PTPRD: variants seen among roughly 807,000 people sequenced by gnomAD.
The protein encoded by PTPRD is protein tyrosine phosphatase receptor type D, also known as receptor-type tyrosine-protein phosphatase delta.
A neutral mutation model predicts 214.5 loss-of-function variants in PTPRD; 34 were observed. The ratio of observed to expected loss-of-function variants is 0.16; its 90% CI spans 0.12 to 0.21. The LOEUF is 0.21. PTPRD is among the 10% of genes least tolerant of loss of function. The probability of loss-of-function intolerance (pLI) is 1.00; values close to 1 mark genes in which losing one functional copy is unlikely to be tolerated. For synonymous variants in PTPRD, 1,128 were observed against 845.7 expected (o/e 1.33, Z -5.79); for missense variants, 2,545 against 2,398.7 (o/e 1.06, Z -1.27).
intron 12 of PTPRD, among the ~76,000 whole-genome samples, chr9:8,682,231 C>A (rs1011647030): frequency 6.6e-6 from 1 of 152,130 alleles, no homozygotes; most frequent in African/African-American, 2.4e-5. Context: ...CGAGAGAAGT[C>A]TAAATAAGAA....
intron 12 of PTPRD, among the ~76,000 whole-genome samples, chr9:8,700,228 T>G (rs547254367): frequency 6.6e-6 from 1 of 152,236 alleles, no homozygotes; most frequent in South Asian, 2.1e-4. Flanking sequence ...ATTACTTTCA[T>G]TTAAGAAACT....
chr9:9,300,049 G>A (rs1954693252), intron 9 of PTPRD, among the ~76,000 whole-genome samples: 1 of 149,646 alleles, frequency 6.7e-6, no homozygotes, highest in African/African-American at 2.5e-5. Context: ...TTATGAATCT[G>A]TTTAATTCTG....
At chr9:9,855,739 G>C (rs1021500886) in intron 5 of PTPRD, among the ~76,000 whole-genome samples, 2 of 152,320 alleles carry the variant, frequency 1.3e-5, no homozygotes, top group African/African-American at 2.4e-5. Context: ...GAACACTTTT[G>C]GGAGCTGGGA....
At chr9:10,255,561 T>C (rs879907061) in intron 3 of PTPRD, among the ~76,000 whole-genome samples, 13 of 152,286 alleles carry the variant, frequency 8.5e-5, no homozygotes, top group Middle Eastern at 3.4e-3. Flanking sequence ...GCCTAGGACA[T>C]TACACTACTA....
chr9:9,818,211 G>C (rs2049403278), intron 5 of PTPRD, among the ~76,000 whole-genome samples: 3 of 152,202 alleles, frequency 2.0e-5, no homozygotes, highest in African/African-American at 7.2e-5. Flanking sequence ...AAAGAAATCG[G>C]TCTTTAAATG....
chr9:9,501,739 A>C (rs1261287233), intron 8 of PTPRD, among the ~76,000 whole-genome samples: 1 of 151,962 alleles, frequency 6.6e-6, no homozygotes, highest in African/African-American at 2.4e-5. Flanking sequence ...TCTAAATTAT[A>C]AATAACTAAA....
intron 9 of PTPRD, among the ~76,000 whole-genome samples, chr9:9,320,934 C>T (rs534425312): frequency 1.3e-5 from 2 of 152,238 alleles, no homozygotes; most frequent in African/African-American, 4.8e-5. Context: ...CCTAAATAGG[C>T]TCCTTCAAGA....
chr9:10,345,318 C>G (rs912610416), intron 2 of PTPRD, among the ~76,000 whole-genome samples: 3 of 151,884 alleles, frequency 2.0e-5, no homozygotes, highest in African/African-American at 7.3e-5. Context: ...GGATATATGG[C>G]AGGTTTGTTA....
At chr9:9,008,837 T>C (rs534717987) in intron 11 of PTPRD, among the ~76,000 whole-genome samples, 30 of 152,316 alleles carry the variant, frequency 2.0e-4, no homozygotes, top group African/African-American at 6.7e-4. Context: ...CCTTATGTTT[T>C]TCCTCTCTTT....
At chr9:8,482,409 A>C (rs1181151538) in intron 30 of PTPRD, among the ~76,000 whole-genome samples, 1 of 151,880 alleles carries the variant, frequency 6.6e-6, no homozygotes, top group East Asian at 2.0e-4. Context: ...ACCTCCCAAT[A>C]ATTTTCTCTA....
chr9:9,064,549 C>T (rs1034394275), intron 10 of PTPRD, among the ~76,000 whole-genome samples: 1 of 152,134 alleles, frequency 6.6e-6, no homozygotes, highest in African/African-American at 2.4e-5. Flanking sequence ...TTCTGTGTGA[C>T]ACTGATGAAC....
intron 4 of PTPRD, among the ~76,000 whole-genome samples, chr9:9,978,567 G>A (rs1220600816): frequency 1.3e-5 from 2 of 151,806 alleles, no homozygotes; most frequent in Admixed American, 6.6e-5. Flanking sequence ...AAGAGGCATG[G>A]GACACCATCA....
At chr9:10,557,359 T>G (rs1227608969) in intron 2 of PTPRD, among the ~76,000 whole-genome samples, 2 of 152,126 alleles carry the variant, frequency 1.3e-5, no homozygotes, top group Non-Finnish European at 2.9e-5. Flanking sequence ...TGAATACCTG[T>G]CTCCAACGCA....
At chr9:9,752,130 A>G (rs564275327) in intron 6 of PTPRD, among the ~76,000 whole-genome samples, 15 of 152,198 alleles carry the variant, frequency 9.9e-5, no homozygotes, top group African/African-American at 3.6e-4. Flanking sequence ...AATTGTTTCA[A>G]TCCCCTGTAA....
In PTPRD at chr9:8,485,786, A is replaced by G; in HGVS notation, c.3031T>C (p.Phe1011Leu). 1 of 1,613,314 alleles carries G rather than the reference A, an allele frequency of 6.2e-7. No homozygotes were observed. The highest frequency in any genetic ancestry group is 2.2e-5 in the East Asian group (1 of 44,872). ...GPGPYSPSVQ[F>L]RTLPVDQVFA... Reference sequence around the variant, plus strand: ...CCTTGATCCACAGGCAGTGTCCTGAACTGGACACTGGGACTATATGGCCCG... The same window carrying G: ...CCTTGATCCACAGGCAGTGTCCTGAGCTGGACACTGGGACTATATGGCCCG... Residue 1011 changes from phenylalanine to leucine, a missense_variant, in exon 28 of 46, where the codon TTC becomes CTC. Transcript: ENST00000381196.
intron 9 of PTPRD, among the ~76,000 whole-genome samples, chr9:9,325,563 A>G (rs1969591288): frequency 1.3e-5 from 2 of 152,144 alleles, no homozygotes; most frequent in African/African-American, 2.4e-5. Flanking sequence ...ACTTTGCTGA[A>G]GTTGCCTATC....
intron 39 of PTPRD, among the ~76,000 whole-genome samples, chr9:8,355,413 T>A (rs1407896674): frequency 8.4e-6 from 1 of 118,772 alleles, no homozygotes; most frequent in Admixed American, 7.9e-5. Context: ...TCTTTTAGAA[T>A]ATTTTGGTCT....
In PTPRD at chr9:8,484,307, C is replaced by G. The variant is rs2096951237; in HGVS notation, c.3225G>C (p.Leu1075=). 6.2e-7 allele frequency: 1 copy of G among 1,614,060 alleles called. No individual in the cohort carries two copies. The highest frequency in any genetic ancestry group is 8.5e-7 in the Non-Finnish European group (1 of 1,180,004). The part of the protein sequence containing the change: ...GRATQKLIVN[L]KPEKSYSFVL... ...CAAATGAATATGATTTCTCAGGCTT[C>G]AGGTTGACAATTAACTTCTGTGTGG... Residue 1075 remains leucine, a synonymous_variant, in exon 30 of 46, where the codon CTG becomes CTC. Coordinates refer to ENST00000381196, the MANE Select transcript of PTPRD (RefSeq NM_002839.4).
intron 3 of PTPRD, among the ~76,000 whole-genome samples, chr9:10,211,566 A>C (rs2099516993): frequency 6.6e-6 from 1 of 152,170 alleles, no homozygotes; most frequent in South Asian, 2.1e-4. Flanking sequence ...ATCTCTGCCA[A>C]CAGAGGTGCT....
Sources: gnomAD v4.1 joint callset for allele counts (sites outside exome capture counted in the v4.1 genomes callset) on GRCh38, gnomAD v4.1.1 for gene constraint, MANE v1.5 for transcripts, NCBI Gene and HGNC (gene_info 2026-07-23, HGNC 2026-07-21) for gene names.